Variants in FMN1 observed in about 807,000 individuals in gnomAD.
FMN1 encodes formin 1, also known as formin-1.
FMN1 carries 110 observed loss-of-function variants against 132.4 expected under a neutral mutation model. That is an observed-to-expected ratio of 0.83 (90% CI 0.71 to 0.97). FMN1 has a LOEUF of 0.97. Ranked by LOEUF, FMN1 falls within the 50% of genes least tolerant of loss-of-function variation. FMN1 has a pLI of 0.00. For synonymous variants in FMN1, 722 were observed against 651.7 expected, an observed-to-expected ratio of 1.11 and a Z score of -1.64; for missense variants, 1,792 against 1,705.3, an observed-to-expected ratio of 1.05 and a Z score of -0.90.
At position 33,081,376 on chromosome 15, in the gene FMN1, A is replaced by G. The variant is rs551261615; in HGVS notation, c.2043+7423T>C. Among the ~76,000 whole-genome samples the G allele has an allele frequency of 8.0e-4, 122 of 152,344 alleles. 1 individual carries two copies. In the Middle Eastern group the frequency reaches 0.017, roughly 21 times the overall value. ...GTGTGATATTTTGATACTTGAATAC[A>G]ATATGTAATAATTAAAAGTAATTAG... On this transcript the variant is annotated intron_variant, in intron 5 of 20. Coordinates refer to ENST00000616417, the MANE Select transcript of FMN1 (RefSeq NM_001277313.2).
intron 7 of FMN1, among the ~76,000 whole-genome samples, chr15:32,989,557 C>A (rs1008036951): frequency 6.6e-6 from 1 of 152,102 alleles, no homozygotes; most frequent in Non-Finnish European, 1.5e-5. Context: ...CCCCTTCACC[C>A]GCCCCCCACC....
intron 9 of FMN1, among the ~76,000 whole-genome samples, chr15:32,940,511 C>A (rs1407708639): frequency 1.3e-5 from 2 of 151,592 alleles, no homozygotes; most frequent in Non-Finnish European, 2.9e-5. Flanking sequence ...CTCATAAGAT[C>A]AGTAACTTAA....
intron 19 of FMN1, among the ~76,000 whole-genome samples, chr15:32,789,980 T>C (rs7166714): frequency 0.14 from 21,988 of 152,202 alleles, 2,219 homozygotes; most frequent in East Asian, 0.59. Context: ...CTCTATAATG[T>C]TCGCACAATG....
chr15:32,948,609 C>T (rs139449588), intron 9 of FMN1, among the ~76,000 whole-genome samples: 11 of 152,152 alleles, frequency 7.2e-5, no homozygotes, highest in African/African-American at 2.6e-4. Context: ...TGATCATTCA[C>T]AGTCTTCTAC....
chr15:32,863,390 T>A (rs934217457), intron 16 of FMN1, among the ~76,000 whole-genome samples: 4 of 152,092 alleles, frequency 2.6e-5, no homozygotes, highest in Non-Finnish European at 5.9e-5. Context: ...GCCGAGATTG[T>A]GCCACTGCAC....
intron 5 of FMN1, among the ~76,000 whole-genome samples, chr15:33,073,630 G>A (rs552104930): frequency 6.6e-6 from 1 of 152,034 alleles, no homozygotes; most frequent in East Asian, 1.9e-4. Flanking sequence ...GTAAAATGAG[G>A]GGTCATATAA....
chr15:33,010,206 A>AGAAGGC (rs2034636605), intron 6 of FMN1, among the ~76,000 whole-genome samples: 1 of 152,198 alleles, frequency 6.6e-6, no homozygotes, highest in Non-Finnish European at 1.5e-5. Flanking sequence ...AGTCAGTCTC[A>AGAAGGC]GAAGGCCAAC....
intron 16 of FMN1, among the ~76,000 whole-genome samples, chr15:32,884,266 T>C (rs758849118): frequency 6.6e-6 from 1 of 152,182 alleles, no homozygotes; most frequent in Non-Finnish European, 1.5e-5. Flanking sequence ...CTGTACTCCC[T>C]TTTAGAGGCT....
chr15:32,792,275 CAA>C (rs11461605), intron 19 of FMN1, among the ~76,000 whole-genome samples: 32 of 111,706 alleles, frequency 2.9e-4, no homozygotes, highest in African/African-American at 5.3e-4. Flanking sequence ...CAGTCTCTAC[CAA>C]AAAAAAAAAA....
chr15:33,042,746 T>C (rs1456892604), intron 6 of FMN1, among the ~76,000 whole-genome samples: 1 of 149,774 alleles, frequency 6.7e-6, no homozygotes, highest in Non-Finnish European at 1.5e-5. Context: ...GAGCCAGAAC[T>C]ATATCATTAA....
chr15:32,909,576 A>G (rs535005790), intron 11 of FMN1, among the ~76,000 whole-genome samples: 1 of 152,346 alleles, frequency 6.6e-6, no homozygotes, highest in South Asian at 2.1e-4. Flanking sequence ...GGACATAAAT[A>G]TGAAACGAAT....
At position 32,770,750 on chromosome 15, in the gene FMN1, T is replaced by C. The variant is rs988265602; in HGVS notation, c.*3560A>G. The C allele has an allele frequency of 5.9e-5, 9 of 152,158 alleles. No homozygotes were observed. Among genetic ancestry groups the C allele is most frequent in the East Asian group, 3.9e-4 (2 of 5,188 alleles). The allele number at this position is 152,158 out of a possible 1,614,324, so 9.4% of individuals were successfully genotyped here. ...CATCTGATATTCAATTCCTCAACCA[T>C]ACTGGCAATTTGTTTTGGCTAGAAC... On this transcript the variant is annotated 3_prime_UTR_variant, in exon 21 of 21. Transcript: ENST00000616417.
At chr15:32,777,538 A>ATTTATGTATTACGTATAACATATAACAC (rs2056470633) in intron 19 of FMN1, among the ~76,000 whole-genome samples, 1 of 81,446 alleles carries the variant, frequency 1.2e-5, no homozygotes, top group Non-Finnish European at 2.6e-5. Context: ...ATAACATAAC[A>ATTTATGTATTACGTATAACATATAACAC]TTTATATATT....
chr15:33,125,549 T>A (rs1362433168), intron 4 of FMN1, among the ~76,000 whole-genome samples: 2 of 152,068 alleles, frequency 1.3e-5, no homozygotes, highest in Non-Finnish European at 2.9e-5. Context: ...CTTAAAAAAA[T>A]TCAGAATAGG....
intron 6 of FMN1, among the ~76,000 whole-genome samples, chr15:33,010,151 C>T (rs1317469765): frequency 6.6e-6 from 1 of 152,104 alleles, no homozygotes; most frequent in African/African-American, 2.4e-5. Context: ...CTCAAAGTGC[C>T]TGGCCAACAT....
At chr15:32,819,778 C>T (rs780248686) in intron 17 of FMN1, among the ~76,000 whole-genome samples, 1 of 151,932 alleles carries the variant, frequency 6.6e-6, no homozygotes, top group African/African-American at 2.4e-5. Flanking sequence ...CTCATTTTGA[C>T]GAGGAAAAAT....
intron 3 of FMN1, among the ~76,000 whole-genome samples, chr15:33,165,961 G>A (rs1481077788): frequency 1.3e-5 from 2 of 152,262 alleles, no homozygotes; most frequent in East Asian, 3.9e-4. Context: ...TATAAACCTA[G>A]TAACATGGAA....
chr15:32,910,513 G>A lies in FMN1; in HGVS notation c.3249C>T (p.Ser1083=), dbSNP rs375570644. The A allele has an allele frequency of 3.9e-5, 62 of 1,577,502 alleles. No individual in the cohort carries two copies. The highest frequency in any genetic ancestry group is 1.5e-4 in the African/African-American group (11 of 74,106). ...IQQAIFNVDD[S]VVDLETLAAL... ...CTGCCAGGGTCTCCAGATCAACCACGGAGTCATCCACATTGAAAATGGCTG... is the reference window on the plus strand; with the variant it reads ...CTGCCAGGGTCTCCAGATCAACCACAGAGTCATCCACATTGAAAATGGCTG... Residue 1083 remains serine (S), a synonymous_variant, in exon 11 of 21, where the codon TCC becomes TCT. Transcript: ENST00000616417.
intron 6 of FMN1, among the ~76,000 whole-genome samples, chr15:33,049,101 A>T (rs2036850791): frequency 6.6e-6 from 1 of 152,228 alleles, no homozygotes; most frequent in Non-Finnish European, 1.5e-5. Context: ...CTTGTAAAAA[A>T]TTCTCTGTGT....
Sources: gnomAD v4.1 joint callset for allele counts (sites outside exome capture counted in the v4.1 genomes callset) on GRCh38, gnomAD v4.1.1 for gene constraint, MANE v1.5 for transcripts, NCBI Gene and HGNC (gene_info 2026-07-23, HGNC 2026-07-21) for gene names.